The following SPATA17 variants were observed in gnomAD, a reference collection of about 807,000 sequenced individuals.
SPATA17 encodes spermatogenesis associated 17.
Under a neutral mutation model 62.2 loss-of-function variants are expected in SPATA17, and 53 were observed. The ratio of observed to expected loss-of-function variants is 0.85; its 90% CI spans 0.68 to 1.07. SPATA17 has a LOEUF of 1.07. Ranked by LOEUF, SPATA17 falls within the 50% of genes least tolerant of loss-of-function variation. The probability of loss-of-function intolerance (pLI) is 0.00; values close to 1 mark genes in which losing one functional copy is unlikely to be tolerated. For missense variants in SPATA17, 466 were observed against 425.5 expected (o/e 1.10, Z -0.84); for synonymous variants, 146 against 146.8 (o/e 0.99, Z 0.04).
intron 5 of SPATA17, among the ~76,000 whole-genome samples, chr1:217,709,031 A>G (rs577004291): frequency 1.4e-3 from 216 of 152,340 alleles, no homozygotes; most frequent in African/African-American, 4.9e-3. Flanking sequence ...TTGAAGGAAC[A>G]TACTTCAAAA....
At position 217,745,804 on chromosome 1, in the gene SPATA17, C is replaced by T. The variant is rs535098374; in HGVS notation, c.519+3706C>T. On this transcript the variant is annotated intron_variant, in intron 6 of 10. Transcript: ENST00000366933. Reference sequence around the variant, plus strand: ...TTTTTTTGTAGATGGAAATTGTCAACTTTTCACTACTGCTTATACAGGCCA... The same window carrying T: ...TTTTTTTGTAGATGGAAATTGTCAATTTTTCACTACTGCTTATACAGGCCA... Among the ~76,000 whole-genome samples, 3 of 152,116 alleles carry T rather than the reference C, an allele frequency of 2.0e-5. No individual in the cohort carries two copies. In the South Asian group the frequency reaches 6.2e-4, roughly 31 times the overall value.
intron 1 of SPATA17, among the ~76,000 whole-genome samples, chr1:217,648,105 G>A (rs1230961590): frequency 6.6e-6 from 1 of 152,056 alleles, no homozygotes. Flanking sequence ...ATTCCTAATT[G>A]TCTAGAGTGG....
At chr1:217,794,539 G>T (rs1432807225) in intron 8 of SPATA17, among the ~76,000 whole-genome samples, 1 of 151,942 alleles carries the variant, frequency 6.6e-6, no homozygotes, top group Non-Finnish European at 1.5e-5. Flanking sequence ...TGTTGTATTT[G>T]GATCCCACAA....
intron 3 of SPATA17, among the ~76,000 whole-genome samples, chr1:217,657,908 C>T (rs904406325): frequency 3.9e-5 from 6 of 151,966 alleles, no homozygotes; most frequent in South Asian, 2.1e-4. Context: ...ACAATCATGG[C>T]GGAAGGTGAA....
chr1:217,662,226 A>C (rs1215422255), intron 3 of SPATA17, among the ~76,000 whole-genome samples: 2 of 152,288 alleles, frequency 1.3e-5, no homozygotes, highest in East Asian at 3.9e-4. Flanking sequence ...CCATAGTCTG[A>C]GAGCAGAGAA....
intron 9 of SPATA17, among the ~76,000 whole-genome samples, chr1:217,852,262 T>C (rs1437537509): frequency 6.6e-6 from 1 of 152,190 alleles, no homozygotes; most frequent in Non-Finnish European, 1.5e-5. Context: ...TCTAATTACT[T>C]TTTAACCTTA....
chr1:217,756,480 C>T (rs1474400638), intron 6 of SPATA17, among the ~76,000 whole-genome samples: 1 of 152,172 alleles, frequency 6.6e-6, no homozygotes, highest in Non-Finnish European at 1.5e-5. Context: ...CAAAACCACG[C>T]TTCCCGTTTA....
Position 217,641,134 on chromosome 1 carries a change from C to T in SPATA17, c.69-7748C>T, listed in dbSNP as rs139924134. Among the ~76,000 whole-genome samples, 16 of 152,108 alleles carry T rather than the reference C, an allele frequency of 1.1e-4. No individual in the cohort carries two copies. The East Asian group carries it at 3.1e-3, about 29-fold the overall frequency. ...GTGGCCGTGGAAGATTTAACTAGTA[C>T]AAAACTTGTCCTCTGACCGTGAAGG... On this transcript the variant is annotated intron_variant, in intron 1 of 10. Transcript: ENST00000366933.
rs534976666 is a variant in SPATA17 at position 217,838,727 on chromosome 1, T to C, written c.1006-24047T>C. ...TTGATTAGATTTCATAAATTTATGT[T>C]GTGAAAAAATCAGAGAACATTCTCT... On this transcript the variant is annotated intron_variant, in intron 9 of 10. Coordinates refer to ENST00000366933, the MANE Select transcript of SPATA17 (RefSeq NM_138796.4). Among the ~76,000 whole-genome samples, 679 of 152,196 alleles carry C rather than the reference T, an allele frequency of 4.5e-3. 6 individuals carry two copies. The highest frequency in any genetic ancestry group is 0.016 in the African/African-American group (652 of 41,560).
chr1:217,848,230 T>A (rs1675571261), intron 9 of SPATA17, among the ~76,000 whole-genome samples: 1 of 152,186 alleles, frequency 6.6e-6, no homozygotes, highest in Non-Finnish European at 1.5e-5. Flanking sequence ...GCTAACTCAC[T>A]CTTTCCCTAC....
chr1:217,658,620 T>C (rs1670494772), intron 3 of SPATA17, among the ~76,000 whole-genome samples: 2 of 151,956 alleles, frequency 1.3e-5, no homozygotes, highest in South Asian at 2.1e-4. Context: ...TAGCAGGGCG[T>C]GGTGGCAGGT....
chr1:217,661,725 C>A (rs1407536297), intron 3 of SPATA17, among the ~76,000 whole-genome samples: 2 of 152,126 alleles, frequency 1.3e-5, no homozygotes, highest in Non-Finnish European at 2.9e-5. Context: ...TGTGAAAATT[C>A]TTTCCTATTA....
chr1:217,819,052 C>T (rs1558063763), intron 9 of SPATA17, among the ~76,000 whole-genome samples: 1 of 151,284 alleles, frequency 6.6e-6, no homozygotes, highest in Admixed American at 6.6e-5. Flanking sequence ...CATTTCTGTT[C>T]TTAGTTTGTG....
chr1:217,782,051 A>G, intron 7 of SPATA17, 123 bp from the exon 8 acceptor site: 3 of 901,338 alleles, frequency 3.3e-6, no homozygotes, highest in Non-Finnish European at 4.7e-6. Flanking sequence ...CGAAGAACAA[A>G]TGGTGTTTTA....
intron 6 of SPATA17, among the ~76,000 whole-genome samples, chr1:217,744,041 T>A (rs2102949771): frequency 6.6e-6 from 1 of 152,320 alleles, no homozygotes; most frequent in East Asian, 1.9e-4. Context: ...ATAAAAATAA[T>A]CTGACAGCAA....
chr1:217,668,778 A>T (rs999113377), intron 3 of SPATA17, among the ~76,000 whole-genome samples: 1 of 152,188 alleles, frequency 6.6e-6, no homozygotes, highest in African/African-American at 2.4e-5. Context: ...ATTGATTATC[A>T]AACTCAGCAG....
At chr1:217,818,932 CT>C (rs1396662122) in intron 9 of SPATA17, among the ~76,000 whole-genome samples, 2 of 134,454 alleles carry the variant, frequency 1.5e-5, no homozygotes, top group African/African-American at 5.5e-5. Flanking sequence ...AATCTATTTC[CT>C]TTGGGCCATA....
chr1:217,722,941 C>T (rs1247098618), intron 5 of SPATA17, among the ~76,000 whole-genome samples: 1 of 152,156 alleles, frequency 6.6e-6, no homozygotes, highest in East Asian at 1.9e-4. Flanking sequence ...TGCGCACACT[C>T]ATGTACCATT....
intron 6 of SPATA17, among the ~76,000 whole-genome samples, chr1:217,756,237 G>C (rs1354010956): frequency 6.6e-6 from 1 of 151,832 alleles, no homozygotes; most frequent in Non-Finnish European, 1.5e-5. Flanking sequence ...AATGAAACAA[G>C]ATTGTAAGTA....
Sources: gnomAD v4.1 joint callset for allele counts (sites outside exome capture counted in the v4.1 genomes callset) on GRCh38, gnomAD v4.1.1 for gene constraint, MANE v1.5 for transcripts, NCBI Gene and HGNC (gene_info 2026-07-23, HGNC 2026-07-21) for gene names.